Variants in LRRC63 observed in about 807,000 individuals in gnomAD.
The protein encoded by LRRC63 is leucine-rich repeat-containing protein 63.
LRRC63 carries 40 observed loss-of-function variants against 49.5 expected under a neutral mutation model. The ratio of observed to expected loss-of-function variants is 0.81; its 90% CI spans 0.63 to 1.05. The LOEUF (loss-of-function observed/expected upper bound fraction) is 1.05. LRRC63 is among the 50% of genes least tolerant of loss of function. LRRC63 has a pLI of 0.00. For synonymous variants in LRRC63, 191 were observed against 221.1 expected (o/e 0.86, Z 1.21); for missense variants, 636 against 663.1 (o/e 0.96, Z 0.45).
intron 5 of LRRC63, among the ~76,000 whole-genome samples, chr13:46,239,782 A>G (rs2047002343): frequency 6.6e-6 from 1 of 152,228 alleles, no homozygotes; most frequent in South Asian, 2.1e-4. Flanking sequence ...ATCCAGCAGC[A>G]CATCAAAAAG....
chr13:46,266,870 A>T, exon 9 of LRRC63: 1 of 1,549,482 alleles, frequency 6.5e-7, no homozygotes, highest in Non-Finnish European at 8.7e-7. Flanking sequence ...TATTTGAATA[A>T]TCCACAACAA....
intron 4 of LRRC63, 52 bp from the exon 5 acceptor site, chr13:46,234,140 C>G: frequency 1.4e-6 from 2 of 1,460,922 alleles, no homozygotes; most frequent in Non-Finnish European, 1.9e-6. Context: ...AACTTTCATT[C>G]TAAGTGATAA....
chr13:46,275,799 G>A (rs771982604), intron 9 of LRRC63, among the ~76,000 whole-genome samples: 11 of 151,920 alleles, frequency 7.2e-5, no homozygotes, highest in Non-Finnish European at 8.8e-5. Flanking sequence ...TTTTTAATTC[G>A]AGATTAGTCC....
intron 9 of LRRC63, among the ~76,000 whole-genome samples, chr13:46,275,600 G>C (rs537975263): frequency 1.3e-5 from 2 of 151,416 alleles, no homozygotes; most frequent in Admixed American, 6.6e-5. Context: ...ATACTTATTG[G>C]CCAATTTATA....
intron 5 of LRRC63, among the ~76,000 whole-genome samples, chr13:46,236,660 A>G (rs752746593): frequency 6.6e-6 from 1 of 152,192 alleles, no homozygotes; most frequent in Admixed American, 6.6e-5. Flanking sequence ...CACCTGCCCT[A>G]TAAGAAATGC....
At chr13:46,255,861 C>G (rs566491035) in intron 7 of LRRC63, among the ~76,000 whole-genome samples, 1 of 152,164 alleles carries the variant, frequency 6.6e-6, no homozygotes, top group African/African-American at 2.4e-5. Flanking sequence ...AAAGTTTACC[C>G]TAGAAATGTC....
In LRRC63 at chr13:46,227,471, G is replaced by A. The variant is rs1050062274; in HGVS notation, c.86-41G>A. ...TAAGATATTTTGTCTGTGACATATTGATAAATATAATTTAATTTTTCTTTT... is the reference window on the plus strand; with the variant it reads ...TAAGATATTTTGTCTGTGACATATTAATAAATATAATTTAATTTTTCTTTT... On this transcript the variant is annotated intron_variant, in intron 2 of 9. Coordinates refer to ENST00000595396, the Ensembl canonical transcript of LRRC63. 40 of 1,268,346 alleles carry A rather than the reference G, an allele frequency of 3.2e-5. No individual in the cohort carries two copies. The Admixed American group carries it at 1.2e-3, about 37-fold the overall frequency. 78.6% of individuals were successfully genotyped at this position (1,268,346 alleles called of 1,614,324 possible).
intron 5 of LRRC63, among the ~76,000 whole-genome samples, chr13:46,245,024 T>C (rs542503147): frequency 1.3e-5 from 2 of 152,292 alleles, no homozygotes; most frequent in African/African-American, 4.8e-5. Context: ...AAGATAACAG[T>C]AGGCATTATA....
intron 8 of LRRC63, 41 bp from the exon 9 acceptor site, chr13:46,266,692 T>A: frequency 6.9e-7 from 1 of 1,451,794 alleles, no homozygotes; most frequent in Non-Finnish European, 9.1e-7. Context: ...ATATTATGAA[T>A]TGTATAATAC....
intron 9 of LRRC63, among the ~76,000 whole-genome samples, chr13:46,268,155 A>G (rs1227244405): frequency 1.3e-5 from 2 of 152,212 alleles, no homozygotes; most frequent in East Asian, 3.8e-4. Flanking sequence ...GTGACCAGGA[A>G]AATATGAGAA....
chr13:46,223,683 G>A (rs993075254), intron 2 of LRRC63, among the ~76,000 whole-genome samples: 4 of 151,654 alleles, frequency 2.6e-5, no homozygotes, highest in East Asian at 1.9e-4. Flanking sequence ...GTGAAACCCC[G>A]TCTCTACTAA....
At chr13:46,212,293 C>G (rs1417152162) in intron 1 of LRRC63, 34 bp downstream of exon 1, 1 of 152,134 alleles carries the variant, frequency 6.6e-6, no homozygotes, top group East Asian at 1.9e-4. Flanking sequence ...TCAGGGTGTT[C>G]CCTTCTAGGC....
chr13:46,232,992 A>C (rs2046807797), intron 4 of LRRC63, among the ~76,000 whole-genome samples: 1 of 152,218 alleles, frequency 6.6e-6, no homozygotes, highest in South Asian at 2.1e-4. Context: ...TGCATTTAGT[A>C]AGAGGTTATA....
At chr13:46,253,444 TA>T (rs1241231525) in intron 7 of LRRC63, among the ~76,000 whole-genome samples, 1 of 151,724 alleles carries the variant, frequency 6.6e-6, no homozygotes, top group Non-Finnish European at 1.5e-5. Context: ...TATATAAATA[TA>T]AAACATTCTA....
chr13:46,242,887 A>T (rs549986961), intron 5 of LRRC63, among the ~76,000 whole-genome samples: 1 of 152,272 alleles, frequency 6.6e-6, no homozygotes, highest in African/African-American at 2.4e-5. Context: ...TAAACACCAA[A>T]CCTGTCCAAA....
At chr13:46,276,866 A>ATATATATATT (rs2047850073) in exon 10 of LRRC63, 1 of 161,890 alleles carries the variant, frequency 6.2e-6, no homozygotes, top group Non-Finnish European at 1.2e-5. Flanking sequence ...ATATATATAT[A>ATATATATATT]TTTATATATA....
chr13:46,231,815 C>CTTTT (rs1295050179), intron 4 of LRRC63, among the ~76,000 whole-genome samples: 1 of 133,474 alleles, frequency 7.5e-6, no homozygotes. Context: ...CTGCCACACA[C>CTTTT]TTTTTTTTTT....
chr13:46,213,065 C>T, exon 2 of LRRC63: 1 of 1,549,864 alleles, frequency 6.5e-7, no homozygotes, highest in Non-Finnish European at 8.7e-7. Context: ...TCTTCGAAGA[C>T]CCTTACCTCC....
intron 8 of LRRC63, among the ~76,000 whole-genome samples, chr13:46,263,381 G>T (rs7996811): frequency 0.28 from 42,779 of 151,662 alleles, 6,572 homozygotes; most frequent in East Asian, 0.38. Context: ...TCACTATGTT[G>T]CCCAAGCTGG....
Sources: allele counts gnomAD v4.1 joint callset (sites outside exome capture counted in the v4.1 genomes callset), GRCh38; gene constraint gnomAD v4.1.1; transcripts MANE v1.5; gene names NCBI Gene and HGNC (gene_info 2026-07-23, HGNC 2026-07-21).